MTOR: variants seen among roughly 807,000 people sequenced by gnomAD.
MTOR encodes the protein serine/threonine-protein kinase mTOR.
Under a neutral mutation model 319.8 loss-of-function variants are expected in MTOR, and 70 were observed. The ratio of observed to expected loss-of-function variants is 0.22; its 90% CI spans 0.18 to 0.27. MTOR has a LOEUF of 0.27. Among genes scored for constraint, MTOR ranks in the 10% least tolerant of loss-of-function variants. The pLI is 1.00. For missense variants in MTOR, 1,890 were observed against 3,274.4 expected (o/e 0.58, Z 10.32); for synonymous variants, 1,183 against 1,211.4 (o/e 0.98, Z 0.49).
At chr1:11,178,940 A>G (rs1645067016) in intron 28 of MTOR, among the ~76,000 whole-genome samples, 1 of 152,250 alleles carries the variant, frequency 6.6e-6, no homozygotes. Flanking sequence ...TAATTGTAGA[A>G]GCAGATGTGA....
At chr1:11,120,516 C>CG (rs202096587) in intron 49 of MTOR, among the ~76,000 whole-genome samples, 2 of 132,196 alleles carry the variant, frequency 1.5e-5, no homozygotes, top group African/African-American at 6.1e-5. Context: ...CCAGCCTGGG[C>CG]GGGGAAAAAA....
chr1:11,260,019 G>C (rs575515123), intron 1 of MTOR, among the ~76,000 whole-genome samples: 2 of 152,320 alleles, frequency 1.3e-5, no homozygotes, highest in South Asian at 4.1e-4. Flanking sequence ...GTTGATGTGA[G>C]AACTAAATGA....
At chr1:11,168,428 G>A (rs560650268) in intron 28 of MTOR, among the ~76,000 whole-genome samples, 16 of 152,228 alleles carry the variant, frequency 1.1e-4, no homozygotes, top group African/African-American at 3.9e-4. Flanking sequence ...CAGACTCTGT[G>A]AGTGACACAG....
chr1:11,188,188 G>A (rs1571107834), intron 28 of MTOR, among the ~76,000 whole-genome samples: 1 of 152,172 alleles, frequency 6.6e-6, no homozygotes, highest in Non-Finnish European at 1.5e-5. Context: ...AACAGCAATC[G>A]TATGTTCCAA....
At chr1:11,131,521 AG>A (rs1274599894) in intron 38 of MTOR, 2 of 152,422 alleles carry the variant, frequency 1.3e-5, no homozygotes, top group Non-Finnish European at 2.9e-5. Context: ...TAGTGGACAA[AG>A]GAAGACATGA....
At chr1:11,250,870 A>C (rs1340040089) in intron 6 of MTOR, among the ~76,000 whole-genome samples, 2 of 152,106 alleles carry the variant, frequency 1.3e-5, no homozygotes, top group Admixed American at 6.6e-5. Context: ...ACACCTTGAC[A>C]CTTCTTTCTC....
chr1:11,191,368 C>T (rs570220281), intron 28 of MTOR, among the ~76,000 whole-genome samples: 18 of 152,302 alleles, frequency 1.2e-4, no homozygotes, highest in African/African-American at 3.6e-4. Flanking sequence ...ACGTACTCTA[C>T]CTCCCTTTCC....
intron 28 of MTOR, chr1:11,192,291 C>A: frequency 1.9e-6 from 3 of 1,613,926 alleles, no homozygotes; most frequent in Non-Finnish European, 2.5e-6. Context: ...GACTGCTCTT[C>A]CCTCTACCAG....
At chr1:11,192,457 T>A in intron 28 of MTOR, 1 of 1,203,604 alleles carries the variant, frequency 8.3e-7, no homozygotes, top group Non-Finnish European at 1.2e-6. Flanking sequence ...ATTCACAGTT[T>A]AAAGAAAGGA....
intron 15 of MTOR, 91 bp from the exon 16 acceptor site, chr1:11,232,619 A>T: frequency 9.9e-7 from 1 of 1,012,090 alleles, no homozygotes; most frequent in East Asian, 2.5e-5. Context: ...TCATGCCTGT[A>T]ATCCCAGCAC....
intron 30 of MTOR, among the ~76,000 whole-genome samples, chr1:11,156,727 T>C (rs566031818): frequency 3.2e-4 from 49 of 152,312 alleles, no homozygotes; most frequent in African/African-American, 1.2e-3. Flanking sequence ...GGCATAGTGC[T>C]GGACACACAG....
At chr1:11,203,250 A>AAAC (rs141033970) in intron 26 of MTOR, among the ~76,000 whole-genome samples, 1 of 152,096 alleles carries the variant, frequency 6.6e-6, no homozygotes, top group Non-Finnish European at 1.5e-5. Context: ...AAAACCAACC[A>AAAC]AACAACAACA....
At chr1:11,172,413 C>G (rs984501038) in intron 28 of MTOR, among the ~76,000 whole-genome samples, 15 of 144,002 alleles carry the variant, frequency 1.0e-4, no homozygotes, top group African/African-American at 3.6e-4. Context: ...AAAAAGTTAG[C>G]CAGGCATGGT....
chr1:11,227,391 A>G (rs1417438898), intron 19 of MTOR, among the ~76,000 whole-genome samples: 1 of 152,098 alleles, frequency 6.6e-6, no homozygotes, highest in Non-Finnish European at 1.5e-5. Context: ...TACTCCAGAC[A>G]CAAAGTTAGG....
At chr1:11,112,798 C>A in intron 54 of MTOR, 54 bp downstream of exon 54, 1 of 1,587,282 alleles carries the variant, frequency 6.3e-7, no homozygotes, top group South Asian at 1.1e-5. Flanking sequence ...CCCCACTCTA[C>A]AAACACTCTG....
chr1:11,107,929 A>T (rs894149511), intron 57 of MTOR, among the ~76,000 whole-genome samples: 7 of 152,222 alleles, frequency 4.6e-5, no homozygotes, highest in African/African-American at 1.7e-4. Context: ...AGCCTTGCCT[A>T]TTCTCCTGAA....
intron 14 of MTOR, among the ~76,000 whole-genome samples, chr1:11,233,842 C>A (rs1189102098): frequency 2.6e-5 from 4 of 152,048 alleles, no homozygotes; most frequent in African/African-American, 9.7e-5. Context: ...TCATTTTTTC[C>A]TCATTTTGGG....
chr1:11,158,658 C>T (rs1644387195), intron 29 of MTOR, among the ~76,000 whole-genome samples: 1 of 151,412 alleles, frequency 6.6e-6, no homozygotes, highest in Non-Finnish European at 1.5e-5. Context: ...AGAGTGACTA[C>T]AAAAACTGTA....
At chr1:11,193,521 C>A in intron 28 of MTOR, 1 of 1,497,394 alleles carries the variant, frequency 6.7e-7, no homozygotes, top group Non-Finnish European at 9.0e-7. Flanking sequence ...GAAGCCTGCC[C>A]TCTTGCTCCT....
Sources: gnomAD v4.1 joint callset for allele counts (sites outside exome capture counted in the v4.1 genomes callset) on GRCh38, gnomAD v4.1.1 for gene constraint, MANE v1.5 for transcripts, NCBI Gene and HGNC (gene_info 2026-07-23, HGNC 2026-07-21) for gene names.